The following BLNK variants were observed in gnomAD, a reference collection of about 807,000 sequenced individuals.
BLNK encodes the protein B cell linker, also known as B-cell linker protein.
In BLNK, 29 loss-of-function variants were observed where a neutral mutation model predicts 73.5. The ratio of observed to expected loss-of-function variants is 0.39; its 90% CI spans 0.29 to 0.54. BLNK has a LOEUF of 0.54. Among genes scored for constraint, BLNK ranks in the 20% least tolerant of loss-of-function variants. The pLI is 0.61. For synonymous variants in BLNK, 176 were observed against 200.8 expected, an observed-to-expected ratio of 0.88 and a Z score of 1.04; for missense variants, 460 against 562.8, an observed-to-expected ratio of 0.82 and a Z score of 1.85.
At chr10:96,235,566 G>A (rs76523223) in intron 3 of BLNK, among the ~76,000 whole-genome samples, 2,887 of 21,106 alleles carry the variant, frequency 0.14, 88 homozygotes, top group South Asian at 0.17. Flanking sequence ...CATGAGACTG[G>A]GAAAACTCAG....
chr10:96,252,874 C>T (rs1172066742), intron 1 of BLNK, among the ~76,000 whole-genome samples: 1 of 152,136 alleles, frequency 6.6e-6, no homozygotes, highest in African/African-American at 2.4e-5. Context: ...GGCGGTGGCA[C>T]TAAGACTCGA....
At chr10:96,250,976 G>A (rs1554908999) in intron 1 of BLNK, among the ~76,000 whole-genome samples, 1 of 152,148 alleles carries the variant, frequency 6.6e-6, no homozygotes, top group Non-Finnish European at 1.5e-5. Context: ...TCAAATAAGG[G>A]TAATTGGGAA....
chr10:96,269,658 T>G (rs1844183068), intron 1 of BLNK, among the ~76,000 whole-genome samples: 1 of 152,114 alleles, frequency 6.6e-6, no homozygotes, highest in Non-Finnish European at 1.5e-5. Context: ...AAGCCTACTG[T>G]CATGACATTG....
intron 8 of BLNK, among the ~76,000 whole-genome samples, 184 bp downstream of exon 8, chr10:96,215,137 C>G (rs1178559534): frequency 2.0e-5 from 3 of 152,122 alleles, no homozygotes; most frequent in Non-Finnish European, 4.4e-5. Context: ...TAGCAGATGC[C>G]AAAAGGCCTG....
intron 6 of BLNK, among the ~76,000 whole-genome samples, chr10:96,217,178 A>G (rs2084087913): frequency 6.6e-6 from 1 of 152,188 alleles, no homozygotes; most frequent in African/African-American, 2.4e-5. Flanking sequence ...ATAATAGTCT[A>G]TTTTATGAGT....
chr10:96,254,642 C>A (rs1843435253), intron 1 of BLNK, among the ~76,000 whole-genome samples: 1 of 152,176 alleles, frequency 6.6e-6, no homozygotes, highest in Non-Finnish European at 1.5e-5. Context: ...TCCCGAGTAG[C>A]TGGGATTACA....
At chr10:96,216,925 T>C (rs1053092482) in intron 6 of BLNK, among the ~76,000 whole-genome samples, 191 bp from the exon 7 acceptor site, 1 of 152,160 alleles carries the variant, frequency 6.6e-6, no homozygotes. Context: ...ACAATCTAAT[T>C]TTAGGACATT....
chr10:96,233,813 A>G (rs1842598149), intron 3 of BLNK, among the ~76,000 whole-genome samples: 1 of 152,210 alleles, frequency 6.6e-6, no homozygotes, highest in Non-Finnish European at 1.5e-5. Flanking sequence ...AGGCCTATCT[A>G]ATTTATCTTT....
chr10:96,269,970 T>G (rs1844199029), intron 1 of BLNK, among the ~76,000 whole-genome samples: 1 of 152,198 alleles, frequency 6.6e-6, no homozygotes, highest in African/African-American at 2.4e-5. Flanking sequence ...CTTAAAAGTA[T>G]CTTCTCTATG....
At chr10:96,226,831 G>T (rs1251290248) in intron 5 of BLNK, among the ~76,000 whole-genome samples, 2 of 151,252 alleles carry the variant, frequency 1.3e-5, no homozygotes, top group Non-Finnish European at 2.9e-5. Context: ...GTGAGACTCT[G>T]TCGCAAAAAA....
chr10:96,238,914 A>G (rs1659831986), intron 3 of BLNK: 6 of 387,240 alleles, frequency 1.5e-5, no homozygotes, highest in Non-Finnish European at 2.7e-5. Flanking sequence ...GGTTTCTTAA[A>G]TATGATTTAC....
chr10:96,264,051 C>G (rs140941161), intron 1 of BLNK, among the ~76,000 whole-genome samples: 123 of 152,278 alleles, frequency 8.1e-4, no homozygotes, highest in African/African-American at 2.9e-3. Flanking sequence ...ACAGGTGAAA[C>G]ATACTCTAAA....
intron 6 of BLNK, among the ~76,000 whole-genome samples, chr10:96,222,831 G>T (rs1287153428): frequency 3.3e-5 from 5 of 152,188 alleles, no homozygotes; most frequent in African/African-American, 9.7e-5. Context: ...AAAGCAAGGT[G>T]GCGACAGTGT....
At chr10:96,202,853 C>G (rs587598805) in intron 13 of BLNK, among the ~76,000 whole-genome samples, 1 of 152,180 alleles carries the variant, frequency 6.6e-6, no homozygotes, top group Non-Finnish European at 1.5e-5. Flanking sequence ...TTTCAACATG[C>G]GTGCATCTCG....
chr10:96,219,590 CA>C (rs2084147862), intron 6 of BLNK, among the ~76,000 whole-genome samples: 1 of 152,342 alleles, frequency 6.6e-6, no homozygotes, highest in East Asian at 1.9e-4. Context: ...TTGACCACTT[CA>C]AAATGTATTC....
chr10:96,239,055 G>T, intron 3 of BLNK: 2 of 398,502 alleles, frequency 5.0e-6, no homozygotes, highest in Non-Finnish European at 8.8e-6. Flanking sequence ...CAAACTTTGT[G>T]TTGCAAAGGC....
chr10:96,217,982 G>T (rs1036979899), intron 6 of BLNK, among the ~76,000 whole-genome samples: 52 of 152,270 alleles, frequency 3.4e-4, no homozygotes, highest in Admixed American at 7.8e-4. Context: ...TGTATGGTGC[G>T]AGATTAGAAG....
intron 1 of BLNK, among the ~76,000 whole-genome samples, chr10:96,262,886 A>G (rs551912186): frequency 6.6e-6 from 1 of 152,314 alleles, no homozygotes; most frequent in East Asian, 1.9e-4. Flanking sequence ...CAAAGCCTGA[A>G]TGTTACATTG....
chr10:96,194,104 C>G (rs1336886668), intron 16 of BLNK, among the ~76,000 whole-genome samples: 16 of 152,132 alleles, frequency 1.1e-4, no homozygotes, highest in Admixed American at 2.6e-4. Context: ...AAGAGGAATT[C>G]CTGTTTACCA....
Sources: gnomAD v4.1 joint callset for allele counts (sites outside exome capture counted in the v4.1 genomes callset) on GRCh38, gnomAD v4.1.1 for gene constraint, MANE v1.5 for transcripts, NCBI Gene and HGNC (gene_info 2026-07-23, HGNC 2026-07-21) for gene names.